The following TNRC6A variants were observed in gnomAD, a reference collection of about 807,000 sequenced individuals.
The protein encoded by TNRC6A is trinucleotide repeat containing adaptor 6A.
In TNRC6A, 44 loss-of-function variants were observed where a neutral mutation model predicts 221.2. That is an observed-to-expected ratio of 0.20 (90% CI 0.16 to 0.26). TNRC6A has a LOEUF of 0.26. TNRC6A is among the 10% of genes least tolerant of loss of function. The probability of loss-of-function intolerance (pLI) is 1.00; values close to 1 mark genes in which losing one functional copy is unlikely to be tolerated. For missense variants in TNRC6A, 2,199 were observed against 2,404.4 expected, an observed-to-expected ratio of 0.91 and a Z score of 1.79; for synonymous variants, 847 against 838.5, an observed-to-expected ratio of 1.01 and a Z score of -0.18.
intron 4 of TNRC6A, among the ~76,000 whole-genome samples, chr16:24,766,707 C>T (rs2057480478): frequency 7.7e-6 from 1 of 129,866 alleles, no homozygotes; most frequent in South Asian, 2.5e-4. Context: ...CGTGTAGTCT[C>T]ACTCTGTCGC....
intron 1 of TNRC6A, among the ~76,000 whole-genome samples, chr16:24,617,491 C>A (rs1900424236): frequency 1.3e-5 from 2 of 152,166 alleles, no homozygotes; most frequent in South Asian, 4.1e-4. Flanking sequence ...TTTATTGCTT[C>A]TTGGCCTTTT....
chr16:24,668,985 G>GT (rs544459943), intron 2 of TNRC6A, among the ~76,000 whole-genome samples: 187 of 148,606 alleles, frequency 1.3e-3, no homozygotes, highest in East Asian at 3.7e-3. Context: ...ATTTTTATGG[G>GT]TTTTTTTTTT....
rs1353659895 is a variant in TNRC6A, at chr16:24,806,701, T to C, written c.4457T>C (p.Phe1486Ser). The change falls in exon 17 of 25, where the codon TTC (phenylalanine) becomes TCC (serine). Residue 1486 changes from phenylalanine to serine, a missense_variant. Phe to Ser is a radical substitution (Grantham distance 155). Transcript: ENST00000395799. Reference sequence around the variant, plus strand: ...CTCCATCAGCCAGCCATGAAGTCTTTCCTTGACAATGTCATGCCCCACACT... The same window carrying C: ...CTCCATCAGCCAGCCATGAAGTCTTCCCTTGACAATGTCATGCCCCACACT... ...QPLHQPAMKS[F>S]LDNVMPHTTP... is the part of the protein sequence containing the mutation. 1.2e-6 allele frequency: 2 copies of C among 1,614,174 alleles called. No individual in the cohort carries two copies. Among genetic ancestry groups the C allele is most frequent in the Admixed American group, 1.7e-5 (1 of 60,024 alleles).
At chr16:24,712,953 GTGTGTA>G (rs1408575651) in intron 2 of TNRC6A, among the ~76,000 whole-genome samples, 4 of 139,390 alleles carry the variant, frequency 2.9e-5, no homozygotes, top group African/African-American at 7.6e-5. Context: ...GTGTGTGTGT[GTGTGTA>G]TAGAGGTGAG....
At chr16:24,613,741 G>A (rs973877118) in intron 1 of TNRC6A, among the ~76,000 whole-genome samples, 37 of 151,878 alleles carry the variant, frequency 2.4e-4, no homozygotes, top group African/African-American at 8.7e-4. Flanking sequence ...TCGCCATGTT[G>A]GCCAGGCTAG....
upstream of TNRC6A, among the ~76,000 whole-genome samples, chr16:24,727,971 G>GA (rs1165644293): frequency 6.7e-6 from 1 of 150,022 alleles, no homozygotes; most frequent in African/African-American, 2.5e-5. Flanking sequence ...TCGCAAAAAA[G>GA]AAAAAAACAG....
At chr16:24,781,020 A>G (rs2057831024) in intron 5 of TNRC6A, among the ~76,000 whole-genome samples, 1 of 146,326 alleles carries the variant, frequency 6.8e-6, no homozygotes, top group African/African-American at 2.6e-5. Context: ...ATCCTTAAAA[A>G]AATTTTCTTA....
At chr16:24,717,419 T>A (rs2056333320) in intron 2 of TNRC6A, among the ~76,000 whole-genome samples, 1 of 152,132 alleles carries the variant, frequency 6.6e-6, no homozygotes, top group Non-Finnish European at 1.5e-5. Context: ...AAGGAAAAGC[T>A]GGGCGCCATT....
In TNRC6A at chr16:24,710,207, A is replaced by G. The variant is rs1446899469; in HGVS notation, n.403-40519A>G. 4.7e-5 allele frequency among the ~76,000 whole-genome samples: 7 copies of G among 149,210 alleles called. No homozygotes were observed. The Admixed American group carries it at 4.7e-4, about 10-fold the overall frequency. On this transcript the variant is annotated intron_variant and non_coding_transcript_variant, in intron 2 of 2. Coordinates refer to the TNRC6A transcript ENST00000566108. ...GCCATTGCACTCCAGCCTGGGCAAC[A>G]AGAGCGGAACTTCATCTCAAAAAAA...
At chr16:24,784,893 G>A (rs1297034330) in intron 5 of TNRC6A, among the ~76,000 whole-genome samples, 2 of 152,088 alleles carry the variant, frequency 1.3e-5, no homozygotes, top group Non-Finnish European at 2.9e-5. Flanking sequence ...TGCTTTTGAT[G>A]TATTCTAACA....
At chr16:24,799,609 A>C (rs1596759602) in intron 11 of TNRC6A, among the ~76,000 whole-genome samples, 1 of 152,242 alleles carries the variant, frequency 6.6e-6, no homozygotes, top group Admixed American at 6.5e-5. Flanking sequence ...AAACAGGAAA[A>C]AAAATGCTTG....
At chr16:24,706,979 T>TTTATTTATTTATTTATTTA (rs1555492075) in intron 2 of TNRC6A, among the ~76,000 whole-genome samples, 1 of 140,440 alleles carries the variant, frequency 7.1e-6, no homozygotes, top group African/African-American at 2.8e-5. Flanking sequence ...ATTTATCTAT[T>TTTATTTATTTATTTATTTA]TTTATTTATG....
At chr16:24,732,706 A>G (rs1466475600) in intron 2 of TNRC6A, among the ~76,000 whole-genome samples, 1 of 152,140 alleles carries the variant, frequency 6.6e-6, no homozygotes, top group East Asian at 1.9e-4. Context: ...TTTGGACCAG[A>G]TAATTTATTA....
In TNRC6A at chr16:24,812,019, A is replaced by ATTTTTTTTTTTTTTTTTTTTTTTTTT. The variant is rs71156440; in HGVS notation, c.4672+2560_4672+2585dup. 7.3e-5 allele frequency among the ~76,000 whole-genome samples: 3 copies of ATTTTTTTTTTTTTTTTTTTTTTTTTT among 40,854 alleles called. 1 individual carries two copies. Among genetic ancestry groups the ATTTTTTTTTTTTTTTTTTTTTTTTTT allele is most frequent in the Non-Finnish European group, 4.2e-5 (1 of 23,660 alleles). The allele number at this position is 40,854 out of a possible 152,430, so 26.8% of individuals were successfully genotyped here. A position where few individuals can be genotyped will look rare whatever the true frequency, so the allele number is the denominator to read the frequency against. ...CCGTTCAGGGGAATGTCACTTTGGG[A>ATTTTTTTTTTTTTTTTTTTTTTTTTT]TTTTTTTTTTTTTTTTTTTTTTTTT... On this transcript the variant is annotated intron_variant, in intron 18 of 24. Coordinates refer to ENST00000395799, the MANE Select transcript of TNRC6A (RefSeq NM_014494.4).
intron 2 of TNRC6A, among the ~76,000 whole-genome samples, chr16:24,684,191 G>C (rs1267585981): frequency 6.6e-6 from 1 of 152,100 alleles, no homozygotes; most frequent in Non-Finnish European, 1.5e-5. Flanking sequence ...TTGAGCCCAG[G>C]AGTTTGAGAC....
rs1473523991 is a variant in TNRC6A, at chr16:24,789,427, C to G, written c.785C>G (p.Ser262Cys). The change falls in exon 6 of 25, where the codon TCT (serine) becomes TGT (cysteine). Residue 262 changes from serine (S) to cysteine (C), a missense_variant. Ser to Cys is a moderately radical substitution (Grantham distance 112). Coordinates refer to ENST00000395799, the MANE Select transcript of TNRC6A (RefSeq NM_014494.4). ...ATGGATGCTGATTCTGCCTCCAGTTCTGAATCAGAGAGAAACATCACTATC... is the reference window on the plus strand; with the variant it reads ...ATGGATGCTGATTCTGCCTCCAGTTGTGAATCAGAGAGAAACATCACTATC... The part of the protein sequence containing the change: ...ECMDADSASS[S>C]ESERNITIMA... 1.9e-6 allele frequency: 3 copies of G among 1,614,090 alleles called. No homozygotes were observed. The highest frequency in any genetic ancestry group is 2.5e-6 in the Non-Finnish European group (3 of 1,180,048).
intron 2 of TNRC6A, among the ~76,000 whole-genome samples, chr16:24,711,127 G>A (rs1305468534): frequency 1.3e-5 from 2 of 151,674 alleles, no homozygotes; most frequent in East Asian, 1.9e-4. Flanking sequence ...CACCTGCCTC[G>A]GCCTCCCAAA....
At chr16:24,801,489 A>C (rs2058329221) in intron 11 of TNRC6A, among the ~76,000 whole-genome samples, 1 of 150,948 alleles carries the variant, frequency 6.6e-6, no homozygotes, top group Non-Finnish European at 1.5e-5. Context: ...GGGATGCAGA[A>C]GTGTTGGAGA....
chr16:24,790,771 G>T lies in TNRC6A; in HGVS notation c.2129G>T (p.Arg710Ile). 6.2e-7 allele frequency: 1 copy of T among 1,614,130 alleles called. No homozygotes were observed. The highest frequency in any genetic ancestry group is 8.5e-7 in the Non-Finnish European group (1 of 1,180,042). Residue 710 changes from arginine to isoleucine, a missense_variant, in exon 6 of 25, where the codon AGA becomes ATA. Coordinates refer to ENST00000395799, the MANE Select transcript of TNRC6A (RefSeq NM_014494.4). ...QHTLLQSIVN[R>I]TDLDPRVLSN... ...ACATTACTCCAAAGCATTGTAAACA[G>T]AACTGACTTAGATCCACGTGTCCTG...
Sources: gnomAD v4.1 joint callset for allele counts (sites outside exome capture counted in the v4.1 genomes callset) on GRCh38, gnomAD v4.1.1 for gene constraint, MANE v1.5 for transcripts, NCBI Gene and HGNC (gene_info 2026-07-23, HGNC 2026-07-21) for gene names.